The following MACROH2A2 variants were observed in gnomAD, a reference collection of about 807,000 sequenced individuals.
MACROH2A2 encodes the protein macroH2A.2 histone.
Under a neutral mutation model 37.6 loss-of-function variants are expected in MACROH2A2, and 6 were observed. That is an observed-to-expected ratio of 0.16 (90% CI 0.09 to 0.32). The LOEUF is 0.32. Among genes scored for constraint, MACROH2A2 ranks in the 10% least tolerant of loss-of-function variants. MACROH2A2 has a pLI of 1.00. For synonymous variants in MACROH2A2, 192 were observed against 202.7 expected (o/e 0.95, Z 0.45); for missense variants, 290 against 485.9 (o/e 0.60, Z 3.79).
chr10:70,067,695 TGATGTAG>T (rs2072086666), intron 1 of MACROH2A2, among the ~76,000 whole-genome samples: 1 of 151,390 alleles, frequency 6.6e-6, no homozygotes, highest in South Asian at 2.1e-4. Context: ...CTTAGGGAGG[TGATGTAG>T]GGAGGAGAGG....
chr10:70,074,793 C>T (rs1371083082), intron 1 of MACROH2A2, among the ~76,000 whole-genome samples: 4 of 152,122 alleles, frequency 2.6e-5, no homozygotes, highest in Non-Finnish European at 4.4e-5. Flanking sequence ...TCCCCAGCCA[C>T]GTGGAACTGT....
rs766566897 is a variant in MACROH2A2 at position 70,075,619 on chromosome 10, G to A, written c.-40G>A. ...TTTTAGCATTGTGTTAGTGCCGGGA[G>A]GCCACTGTGTCAGCAAGCTGAGAGG... On this transcript the variant is annotated 5_prime_UTR_variant, in exon 2 of 9. Transcript: ENST00000373255. This position sits in a 1 kb window ranked among gnomAD's most constrained non-coding sequence, Gnocchi z 5.0. The A allele has an allele frequency of 1.6e-5, 25 of 1,599,332 alleles. No individual in the cohort carries two copies. The South Asian group carries it at 2.7e-4, about 17-fold the overall frequency.
intron 1 of MACROH2A2, among the ~76,000 whole-genome samples, chr10:70,065,718 T>A (rs1005937982): frequency 6.6e-5 from 10 of 151,686 alleles, no homozygotes; most frequent in African/African-American, 2.4e-4. Context: ...ATCCAGGAGA[T>A]CCAATACCTG....
chr10:70,068,131 A>G (rs1258724687), intron 1 of MACROH2A2, among the ~76,000 whole-genome samples: 2 of 151,852 alleles, frequency 1.3e-5, no homozygotes, highest in African/African-American at 4.8e-5. Flanking sequence ...ATGTGCAAAT[A>G]TTCCTCAGAT....
At chr10:70,090,354 G>C (rs551435670) in intron 3 of MACROH2A2, among the ~76,000 whole-genome samples, 188 bp downstream of exon 3, 1 of 152,336 alleles carries the variant, frequency 6.6e-6, no homozygotes, top group Admixed American at 6.5e-5. Flanking sequence ...ATTGCCTCTG[G>C]CATAGATCTC....
At chr10:70,108,735 A>G (rs1343729768) in intron 7 of MACROH2A2, among the ~76,000 whole-genome samples, 1 of 152,174 alleles carries the variant, frequency 6.6e-6, no homozygotes, top group Non-Finnish European at 1.5e-5. Context: ...TGTCCCTTTA[A>G]CTAGGAACCA....
At chr10:70,091,593 T>C (rs530493311) in intron 3 of MACROH2A2, among the ~76,000 whole-genome samples, 164 bp from the exon 4 acceptor site, 1 of 150,924 alleles carries the variant, frequency 6.6e-6, no homozygotes, top group South Asian at 2.1e-4. Context: ...GAGAATTGCT[T>C]GAACCTGGAG....
At chr10:70,070,995 G>T (rs1237325816) in intron 1 of MACROH2A2, among the ~76,000 whole-genome samples, 2 of 150,690 alleles carry the variant, frequency 1.3e-5, no homozygotes, top group Non-Finnish European at 3.0e-5. Context: ...CTGTGTGCAT[G>T]TGCATGTGTG....
intron 1 of MACROH2A2, among the ~76,000 whole-genome samples, chr10:70,058,042 A>G (rs2072028296): frequency 6.6e-6 from 1 of 152,208 alleles, no homozygotes; most frequent in South Asian, 2.1e-4. Context: ...TGATTCTCAG[A>G]TGATACTCAG....
At chr10:70,067,902 G>T (rs558494831) in intron 1 of MACROH2A2, among the ~76,000 whole-genome samples, 122 of 152,240 alleles carry the variant, frequency 8.0e-4, no homozygotes, top group Admixed American at 7.2e-4. Context: ...GGAGGAAGGT[G>T]GGTTAAGGCC....
chr10:70,077,638 G>A lies in MACROH2A2; in HGVS notation c.172+1808G>A, dbSNP rs982587271. On this transcript the variant is annotated intron_variant, in intron 2 of 8. Transcript: ENST00000373255. ...CTGTAATCCCAGCACTTGGGAGGCC[G>A]AGGCGGGCAGATCACGAGGTCAGGA... Among the ~76,000 whole-genome samples, 12 of 152,330 alleles carry A rather than the reference G, an allele frequency of 7.9e-5. No individual in the cohort carries two copies. The South Asian group carries it at 8.3e-4, about 11-fold the overall frequency.
chr10:70,083,018 G>A (rs2072189679), intron 2 of MACROH2A2, among the ~76,000 whole-genome samples: 1 of 151,162 alleles, frequency 6.6e-6, no homozygotes, highest in South Asian at 2.1e-4. Context: ...CTTGTTCTGA[G>A]AAGAGTTGTT....
rs371834444 is a variant in MACROH2A2 at position 70,111,512 on chromosome 10, G to A, written c.954-6G>A. The A allele has an allele frequency of 7.8e-5, 126 of 1,610,908 alleles. No individual in the cohort carries two copies. Among genetic ancestry groups the A allele is most frequent in the East Asian group, 5.8e-4 (26 of 44,784 alleles). On this transcript the variant is annotated splice_polypyrimidine_tract_variant and splice_region_variant and intron_variant, in intron 8 of 8. Coordinates refer to ENST00000373255, the MANE Select transcript of MACROH2A2 (RefSeq NM_018649.3). ...TGACATCGGCTCTTCTTTTGCTTTG[G>A]CACAGAAACTGCTTTCCCAAACAGA...
intron 1 of MACROH2A2, among the ~76,000 whole-genome samples, chr10:70,063,842 A>T (rs2072063132): frequency 6.6e-6 from 1 of 152,250 alleles, no homozygotes; most frequent in Non-Finnish European, 1.5e-5. Context: ...CAGAAGACTG[A>T]AAGTACATAA....
intron 8 of MACROH2A2, 60 bp downstream of exon 8, chr10:70,109,267 C>T (rs1564548941): frequency 2.8e-6 from 4 of 1,415,842 alleles, no homozygotes; most frequent in South Asian, 2.3e-5. Flanking sequence ...TCAGCTGCTC[C>T]CCCACTTACA....
intron 8 of MACROH2A2, among the ~76,000 whole-genome samples, chr10:70,110,303 G>A (rs1327058429): frequency 6.6e-6 from 1 of 152,132 alleles, no homozygotes; most frequent in East Asian, 1.9e-4. Flanking sequence ...GTAGCTCCCT[G>A]GAACCTGGGG....
rs867817406 is a variant in MACROH2A2, at chr10:70,087,252, T to A, written c.173-2808T>A. On this transcript the variant is annotated intron_variant, in intron 2 of 8. Coordinates refer to ENST00000373255, the MANE Select transcript of MACROH2A2 (RefSeq NM_018649.3). The stretch of plus-strand genomic sequence containing the variant: ...TTCTTTCTTCTTTTTTTTTTTTTTT[T>A]AAACAGAATCTCACTATGTCACCCA... Among the ~76,000 whole-genome samples, 485 of 143,874 alleles carry A rather than the reference T, an allele frequency of 3.4e-3. 1 individual carries two copies. Among genetic ancestry groups the A allele is most frequent in the Non-Finnish European group, 4.3e-3 (284 of 65,404 alleles). 94.4% of individuals were successfully genotyped at this position (143,874 alleles called of 152,430 possible). A position where few individuals can be genotyped will look rare whatever the true frequency, so the allele number is the denominator to read the frequency against.
At chr10:70,094,589 G>A (rs2072264000) in intron 5 of MACROH2A2, among the ~76,000 whole-genome samples, 1 of 152,226 alleles carries the variant, frequency 6.6e-6, no homozygotes, top group Non-Finnish European at 1.5e-5. Flanking sequence ...TCTAAGAAGA[G>A]CATCGGTGTG....
rs1331891945 is a variant in MACROH2A2 at position 70,075,329 on chromosome 10, G to A, written c.-59-271G>A. Among the ~76,000 whole-genome samples, 6 of 152,204 alleles carry A rather than the reference G, an allele frequency of 3.9e-5. No individual in the cohort carries two copies. Among genetic ancestry groups the A allele is most frequent in the South Asian group, 2.1e-4 (1 of 4,828 alleles). ...TCATTGTTCAGCTGACCACAGGACC[G>A]AGACCTCCCTATTCAGTGACAGTTT... On this transcript the variant is annotated intron_variant, in intron 1 of 8. Coordinates refer to ENST00000373255, the MANE Select transcript of MACROH2A2 (RefSeq NM_018649.3). The surrounding 1 kb of genome is among the most constrained non-coding windows in gnomAD (Gnocchi z 5.0).
Sources: allele counts gnomAD v4.1 joint callset (sites outside exome capture counted in the v4.1 genomes callset), GRCh38; gene constraint gnomAD v4.1.1; non-coding constraint Gnocchi (gnomAD v3.1); transcripts MANE v1.5; gene names NCBI Gene and HGNC (gene_info 2026-07-23, HGNC 2026-07-21).